Variants in ZFAND3 observed in about 807,000 individuals in gnomAD.
The protein encoded by ZFAND3 is zinc finger AN1-type containing 3.
In ZFAND3, 10 loss-of-function variants were observed where a neutral mutation model predicts 29.6. The ratio of observed to expected loss-of-function variants is 0.34; its 90% confidence interval spans 0.21 to 0.57. ZFAND3 has a LOEUF of 0.57. ZFAND3 is among the 20% of genes least tolerant of loss of function. ZFAND3 has a pLI of 0.86. For synonymous variants in ZFAND3, 128 were observed against 112.6 expected (o/e 1.14, Z -0.87); for missense variants, 230 against 304.5 (o/e 0.76, Z 1.82).
At chr6:38,021,247 G>T (rs1271876233) in intron 2 of ZFAND3, among the ~76,000 whole-genome samples, 1 of 152,202 alleles carries the variant, frequency 6.6e-6, no homozygotes, top group Non-Finnish European at 1.5e-5. Flanking sequence ...CAGCTGCCGC[G>T]ATAAGTAATG....
intron 1 of ZFAND3, among the ~76,000 whole-genome samples, chr6:37,920,052 C>CTTTTTTT (rs11389241): frequency 3.2e-5 from 3 of 93,406 alleles, no homozygotes; most frequent in South Asian, 4.1e-4. Flanking sequence ...TTTTTTGAAG[C>CTTTTTTT]TTTTTTTTTT....
At chr6:38,041,704 TC>T (rs1763776919) in intron 2 of ZFAND3, among the ~76,000 whole-genome samples, 2 of 446 alleles carry the variant, frequency 4.5e-3, no homozygotes, top group Non-Finnish European at 0.01. Context: ...CTTCTCCTCC[TC>T]CTCCTCCTCC....
At chr6:38,127,480 C>CT (rs1765656503) in intron 5 of ZFAND3, among the ~76,000 whole-genome samples, 1 of 152,200 alleles carries the variant, frequency 6.6e-6, no homozygotes. Flanking sequence ...AGCCTGCAAC[C>CT]TGAGCTTAGC....
intron 1 of ZFAND3, among the ~76,000 whole-genome samples, chr6:37,896,514 T>TTTTCTTTG (rs71542145): frequency 4.6e-5 from 5 of 109,100 alleles, no homozygotes; most frequent in Admixed American, 9.8e-5. Context: ...TTCCTCTTTC[T>TTTTCTTTG]TTTCTTTCTT....
chr6:38,131,772 G>T (rs1296854881), intron 5 of ZFAND3, among the ~76,000 whole-genome samples: 1 of 152,192 alleles, frequency 6.6e-6, no homozygotes, highest in Non-Finnish European at 1.5e-5. Context: ...CCCAGTCAGT[G>T]GTGACTAATA....
At chr6:37,952,078 T>A (rs1367052713) in intron 2 of ZFAND3, among the ~76,000 whole-genome samples, 5 of 152,236 alleles carry the variant, frequency 3.3e-5, no homozygotes, top group Non-Finnish European at 7.3e-5. Flanking sequence ...GGATTAGCTT[T>A]ATGATATGCA....
intron 2 of ZFAND3, chr6:38,003,174 A>G (rs1762980403): frequency 6.5e-6 from 1 of 153,458 alleles, no homozygotes; most frequent in South Asian, 2.1e-4. Flanking sequence ...AGAGTGACCC[A>G]ACGAAATCTC....
intron 1 of ZFAND3, among the ~76,000 whole-genome samples, chr6:37,906,716 A>G (rs1765415291): frequency 6.8e-6 from 1 of 146,922 alleles, no homozygotes; most frequent in Non-Finnish European, 1.5e-5. Flanking sequence ...TTTTTTTTTA[A>G]TTAAATTTTA....
chr6:37,821,591 T>C (rs1763668113), intron 1 of ZFAND3, among the ~76,000 whole-genome samples: 2 of 152,276 alleles, frequency 1.3e-5, no homozygotes, highest in South Asian at 2.1e-4. Flanking sequence ...AGTACCATCA[T>C]GTTTATGGTA....
chr6:38,069,658 G>A (rs1764414155), intron 3 of ZFAND3, among the ~76,000 whole-genome samples: 1 of 152,142 alleles, frequency 6.6e-6, no homozygotes. Context: ...CTATATTGAA[G>A]TGAAGAGCCA....
intron 5 of ZFAND3, among the ~76,000 whole-genome samples, chr6:38,150,300 C>A (rs1262641159): frequency 1.3e-5 from 2 of 152,214 alleles, no homozygotes; most frequent in Non-Finnish European, 2.9e-5. Context: ...AACCCAATCC[C>A]AATTTAGAGT....
At chr6:37,903,681 C>G (rs960318967) in intron 1 of ZFAND3, among the ~76,000 whole-genome samples, 7 of 152,164 alleles carry the variant, frequency 4.6e-5, no homozygotes, top group Non-Finnish European at 7.3e-5. Context: ...AGCACGCGCT[C>G]TAATAGCATG....
Position 37,819,891 on chromosome 6 carries a change from C to A in ZFAND3, c.-55C>A. On this transcript the variant is annotated 5_prime_UTR_variant, in exon 1 of 6. Coordinates refer to ENST00000287218, the MANE Select transcript of ZFAND3 (RefSeq NM_021943.3). ...GCCACCGCCTCCTCAGAGCGGGGCC[C>A]GGGCCCAGCCGCCGCCACCGCTGCC... 3.4e-6 allele frequency: 4 copies of A among 1,168,810 alleles called. No homozygotes were observed. The African/African-American group carries it at 6.5e-5, about 19-fold the overall frequency. The allele number at this position is 1,168,810 out of a possible 1,614,324, so 72.4% of individuals were successfully genotyped here. A position where few individuals can be genotyped will look rare whatever the true frequency, so the allele number is the denominator to read the frequency against.
chr6:38,021,131 A>G (rs898754587), intron 2 of ZFAND3, among the ~76,000 whole-genome samples: 2 of 152,238 alleles, frequency 1.3e-5, no homozygotes, highest in Non-Finnish European at 2.9e-5. Flanking sequence ...CACATATTGG[A>G]GGAGTCTTGG....
In ZFAND3 at chr6:37,894,357, C is replaced by T. The variant is rs544411540; in HGVS notation, c.72-35602C>T. On this transcript the variant is annotated intron_variant, in intron 1 of 5. Transcript: ENST00000287218. ...CATATTTTCATTTGGTATAATTCTC[C>T]TGCTCCTTGAAATCCTTCCTTTCCT... is the stretch of plus-strand genomic sequence containing the variant. 4.6e-5 allele frequency among the ~76,000 whole-genome samples: 7 copies of T among 151,534 alleles called. No individual in the cohort carries two copies. In the South Asian group the frequency reaches 1.3e-3, roughly 27 times the overall value.
At chr6:37,998,683 T>C (rs1434833183) in intron 2 of ZFAND3, among the ~76,000 whole-genome samples, 1 of 152,186 alleles carries the variant, frequency 6.6e-6, no homozygotes, top group Admixed American at 6.5e-5. Context: ...TTAACAGTTC[T>C]GATACTGTTA....
intron 5 of ZFAND3, among the ~76,000 whole-genome samples, chr6:38,118,687 A>G (rs529623149): frequency 6.7e-6 from 1 of 150,084 alleles, no homozygotes; most frequent in South Asian, 2.1e-4. Flanking sequence ...AGATGTAACC[A>G]GGTCTCCTAG....
chr6:38,008,118 G>A (rs1040241974), intron 2 of ZFAND3, among the ~76,000 whole-genome samples: 1 of 152,174 alleles, frequency 6.6e-6, no homozygotes, highest in Non-Finnish European at 1.5e-5. Flanking sequence ...AAGGGTTTCA[G>A]TTAGGTAACT....
chr6:37,943,443 G>A (rs947500129), intron 2 of ZFAND3, among the ~76,000 whole-genome samples: 1 of 152,188 alleles, frequency 6.6e-6, no homozygotes, highest in African/African-American at 2.4e-5. Flanking sequence ...AGAGAACACT[G>A]TATTTTCCAG....
Sources: gnomAD v4.1 joint callset for allele counts (sites outside exome capture counted in the v4.1 genomes callset) on GRCh38, gnomAD v4.1.1 for gene constraint, MANE v1.5 for transcripts, NCBI Gene and HGNC (gene_info 2026-07-23, HGNC 2026-07-21) for gene names.